Variants in KYNU observed in about 807,000 individuals in gnomAD.
KYNU encodes kynureninase.
Under a neutral mutation model 59.2 loss-of-function variants are expected in KYNU, and 54 were observed. That is an observed-to-expected ratio of 0.91 (90% confidence interval 0.73 to 1.14). KYNU has a LOEUF of 1.14. Among genes scored for constraint, KYNU ranks in the 50% most tolerant of loss-of-function variants. KYNU has a pLI of 0.00. For synonymous variants in KYNU, 177 were observed against 192.0 expected, an observed-to-expected ratio of 0.92 and a Z score of 0.65; for missense variants, 567 against 554.4, an observed-to-expected ratio of 1.02 and a Z score of -0.23.
chr2:143,039,503 C>CTAA (rs1686975141), intron 12 of KYNU, among the ~76,000 whole-genome samples: 1 of 151,892 alleles, frequency 6.6e-6, no homozygotes, highest in African/African-American at 2.4e-5. Flanking sequence ...ATTATACTAA[C>CTAA]TTAATTTAAA....
chr2:142,890,046 T>A (rs1229067994), intron 2 of KYNU, among the ~76,000 whole-genome samples: 2 of 151,822 alleles, frequency 1.3e-5, no homozygotes, highest in African/African-American at 2.4e-5. Flanking sequence ...GAGAAAGGGG[T>A]CAAAAATATT....
rs1477951014 is a variant in KYNU, at chr2:142,985,143, T to C, written c.789T>C (p.His263=). The change falls in exon 9 of 14, where the codon CAT becomes CAC. Residue 263 remains histidine, a synonymous_variant. Transcript: ENST00000264170. ...HAVGNVELYL[H]DWGVDFACWC... is the part of the protein sequence containing the mutation. ...TTGGAAATGTTGAACTCTACTTACA[T>C]GACTGGGGAGTTGATTTTGCCTGCT... 2 of 1,611,530 alleles carry C rather than the reference T, an allele frequency of 1.2e-6. No individual in the cohort carries two copies. Among genetic ancestry groups the C allele is most frequent in the African/African-American group, 1.3e-5 (1 of 74,930 alleles).
intron 2 of KYNU, among the ~76,000 whole-genome samples, chr2:142,897,952 A>G (rs1412572439): frequency 6.6e-6 from 1 of 152,062 alleles, no homozygotes; most frequent in African/African-American, 2.4e-5. Context: ...TCTAGGCTGG[A>G]ATGCAGTGGT....
At chr2:142,963,683 C>G (rs1319537141) in intron 8 of KYNU, among the ~76,000 whole-genome samples, 1 of 152,126 alleles carries the variant, frequency 6.6e-6, no homozygotes, top group Non-Finnish European at 1.5e-5. Context: ...ACATTTAGAC[C>G]GTAGCATCCC....
chr2:142,906,067 C>T, intron 2 of KYNU, among the ~76,000 whole-genome samples: 1 of 151,466 alleles, frequency 6.6e-6, no homozygotes, highest in Non-Finnish European at 1.5e-5. Flanking sequence ...TTCTCTTTCT[C>T]TCCTCTCTGT....
At chr2:143,040,718 T>C (rs943270616) in intron 13 of KYNU, 60 bp downstream of exon 13, 19 of 1,025,658 alleles carry the variant, frequency 1.9e-5, no homozygotes, top group African/African-American at 3.3e-5. Flanking sequence ...AGGGATAAAA[T>C]TTGGACTCTT....
At position 143,052,668 on chromosome 2, in the gene KYNU, C is replaced by T. The variant is rs1573930621; in HGVS notation, c.*10496C>T. On this transcript the variant is annotated 3_prime_UTR_variant, in exon 14 of 14. Coordinates refer to ENST00000264170, the MANE Select transcript of KYNU (RefSeq NM_003937.3). ...GTGTTGAGCCTGGGTTCACAGAAGT[C>T]AAGAACTGAGGTTTGGGAACTTACA... 1 of 152,234 alleles carries T rather than the reference C, an allele frequency of 6.6e-6. No individual in the cohort carries two copies. Among genetic ancestry groups the T allele is most frequent in the Non-Finnish European group, 1.5e-5 (1 of 68,070 alleles). 9.4% of individuals were successfully genotyped at this position (152,234 alleles called of 1,614,324 possible).
At chr2:142,877,940 T>A (rs1315975113) in intron 1 of KYNU, among the ~76,000 whole-genome samples, 1 of 152,128 alleles carries the variant, frequency 6.6e-6, no homozygotes, top group Non-Finnish European at 1.5e-5. Flanking sequence ...ATGGGTTAAA[T>A]GAAAAGATCT....
rs924302292 is a variant in KYNU, at chr2:143,046,641, T to G, written c.*4469T>G. ...CTATCTGTACTTTCACACTGGCTAA[T>G]TTGCTTGTTTTTTCATCAATACTTC... On this transcript the variant is annotated 3_prime_UTR_variant, in exon 14 of 14. Coordinates refer to ENST00000264170, the MANE Select transcript of KYNU (RefSeq NM_003937.3). 2.6e-5 allele frequency: 4 copies of G among 151,970 alleles called. No homozygotes were observed. The highest frequency in any genetic ancestry group is 9.7e-5 in the African/African-American group (4 of 41,404). 9.4% of individuals were successfully genotyped at this position (151,970 alleles called of 1,614,324 possible).
At chr2:142,927,545 C>T in intron 3 of KYNU, 114 bp from the exon 4 acceptor site, 1 of 754,600 alleles carries the variant, frequency 1.3e-6, no homozygotes, top group Admixed American at 2.0e-5. Context: ...TATATAATTA[C>T]TAACACATAG....
chr2:142,879,058 G>T (rs1308304285), intron 1 of KYNU, among the ~76,000 whole-genome samples: 1 of 152,138 alleles, frequency 6.6e-6, no homozygotes, highest in Non-Finnish European at 1.5e-5. Context: ...TAAAAGTTTG[G>T]ATTTAAGTTC....
intron 10 of KYNU, among the ~76,000 whole-genome samples, chr2:143,028,772 C>T (rs761824418): frequency 4.6e-5 from 7 of 151,864 alleles, no homozygotes; most frequent in African/African-American, 1.2e-4. Flanking sequence ...TACTTGAACC[C>T]GGAAGGCGGA....
chr2:143,046,591 A>G lies in KYNU; in HGVS notation c.*4419A>G, dbSNP rs915790980. On this transcript the variant is annotated 3_prime_UTR_variant, in exon 14 of 14. Transcript: ENST00000264170. Reference sequence around the variant, plus strand: ...ATAGATATGTAGATATATGAAAGCAATATATATATGGATGTCTTTCTGGGC... The same window carrying G: ...ATAGATATGTAGATATATGAAAGCAGTATATATATGGATGTCTTTCTGGGC... 2.6e-5 allele frequency: 4 copies of G among 151,716 alleles called. No individual in the cohort carries two copies. Among genetic ancestry groups the G allele is most frequent in the African/African-American group, 9.7e-5 (4 of 41,318 alleles). The allele number at this position is 151,716 out of a possible 1,614,324, so 9.4% of individuals were successfully genotyped here.
intron 7 of KYNU, among the ~76,000 whole-genome samples, chr2:142,959,046 T>G (rs1293341311): frequency 1.3e-5 from 2 of 152,144 alleles, no homozygotes; most frequent in African/African-American, 4.8e-5. Flanking sequence ...GGGATGCCAA[T>G]TTTTATTGAT....
intron 3 of KYNU, among the ~76,000 whole-genome samples, chr2:142,923,143 C>G (rs1682938736): frequency 6.6e-6 from 1 of 152,190 alleles, no homozygotes; most frequent in Non-Finnish European, 1.5e-5. Flanking sequence ...CAAATTTTAA[C>G]ATAAGAATTT....
intron 11 of KYNU, among the ~76,000 whole-genome samples, chr2:143,032,355 T>C (rs1189651096): frequency 6.6e-6 from 1 of 151,680 alleles, no homozygotes; most frequent in Non-Finnish European, 1.5e-5. Flanking sequence ...GAGAACTCCT[T>C]CACTATCATG....
intron 10 of KYNU, among the ~76,000 whole-genome samples, chr2:142,997,555 G>T (rs778189803): frequency 1.3e-5 from 2 of 152,072 alleles, no homozygotes; most frequent in South Asian, 2.1e-4. Flanking sequence ...AAGAATGTTC[G>T]CATTCCTGAA....
chr2:142,947,072 A>G, intron 4 of KYNU: 2 of 1,550,828 alleles, frequency 1.3e-6, no homozygotes, highest in Non-Finnish European at 1.7e-6. Context: ...TCCTGTGACT[A>G]ATGTCAAACA....
At chr2:143,041,048 A>G (rs1183581685) in intron 13 of KYNU, among the ~76,000 whole-genome samples, 2 of 152,102 alleles carry the variant, frequency 1.3e-5, no homozygotes, top group African/African-American at 4.8e-5. Context: ...GTTAAAAAAG[A>G]AAGTCTTATT....
Sources: allele counts gnomAD v4.1 joint callset (sites outside exome capture counted in the v4.1 genomes callset), GRCh38; gene constraint gnomAD v4.1.1; transcripts MANE v1.5; gene names NCBI Gene and HGNC (gene_info 2026-07-23, HGNC 2026-07-21).